Variants in WNT16 observed in about 807,000 individuals in gnomAD.
The protein encoded by WNT16 is Wnt family member 16.
A neutral mutation model predicts 35.4 loss-of-function variants in WNT16; 20 were observed. The ratio of observed to expected loss-of-function variants is 0.56; its 90% CI spans 0.40 to 0.82. The LOEUF is 0.82. Among genes scored for constraint, WNT16 ranks in the 40% least tolerant of loss-of-function variants. The pLI, the probability that WNT16 is intolerant of heterozygous loss-of-function variation, is 0.00. For missense variants in WNT16, 461 were observed against 466.0 expected, an observed-to-expected ratio of 0.99 and a Z score of 0.10; for synonymous variants, 180 against 179.2, an observed-to-expected ratio of 1.00 and a Z score of -0.03.
upstream of WNT16, chr7:121,325,424 C>A: frequency 6.2e-7 from 1 of 1,609,852 alleles, no homozygotes; most frequent in East Asian, 2.2e-5. Flanking sequence ...CCATGCAGCT[C>A]ACCACTTGCC....
upstream of WNT16, among the ~76,000 whole-genome samples, chr7:121,325,937 A>T (rs936366063): frequency 2.7e-5 from 4 of 146,016 alleles, no homozygotes; most frequent in African/African-American, 1.0e-4. Flanking sequence ...GCTACTCAGG[A>T]GGCTGAGGGT....
At chr7:121,325,422 C>T (rs775035330), upstream of WNT16, 1 of 1,603,888 alleles carries the variant, frequency 6.2e-7, no homozygotes, top group Admixed American at 1.7e-5. Context: ...ACCCATGCAG[C>T]TCACCACTTG....
rs967285001 is a variant in WNT16 at position 121,331,786 on chromosome 7, C to A, written c.455C>A (p.Thr152Asn). The A allele has an allele frequency of 6.2e-7, 1 of 1,614,222 alleles. No individual in the cohort carries two copies. The highest frequency in any genetic ancestry group is 8.5e-7 in the Non-Finnish European group (1 of 1,180,038). Residue 152 changes from threonine (T) to asparagine (N), a missense_variant, in exon 3 of 4, where the codon ACC becomes AAC. Thr to Asn is a moderately conservative substitution (Grantham distance 65). Coordinates refer to ENST00000222462, the MANE Select transcript of WNT16 (RefSeq NM_057168.2). The stretch of plus-strand genomic sequence containing the variant: ...ATGACAGAGTGTTCCTGTGACACCA[C>A]CTTGCAGAACGGCGGCTCAGCAAGT... ...GNMTECSCDT[T>N]LQNGGSASEG...
chr7:121,330,646 GCCGCGCACCTCCC>G (rs1340951829), intron 2 of WNT16, among the ~76,000 whole-genome samples: 1 of 143,888 alleles, frequency 6.9e-6, no homozygotes, highest in African/African-American at 2.6e-5. Flanking sequence ...CCCCCGCCGA[GCCGCGCACCTCCC>G]CCGCGGCGTT....
chr7:121,332,689 T>A lies in WNT16; in HGVS notation c.633+725T>A, dbSNP rs184791548. 2.0e-5 allele frequency among the ~76,000 whole-genome samples: 3 copies of A among 152,284 alleles called. 1 individual carries two copies. Among genetic ancestry groups the A allele is most frequent in the African/African-American group, 7.2e-5 (3 of 41,570 alleles). ...TATTTTTTGTAAAGGAAAGTTTTTT[T>A]AGGGAAATAGTTATTTTATTATAAA... is the stretch of plus-strand genomic sequence containing the variant. On this transcript the variant is annotated intron_variant, in intron 3 of 3. Coordinates refer to ENST00000222462, the MANE Select transcript of WNT16 (RefSeq NM_057168.2).
At chr7:121,330,665 G>C (rs1199721341) in intron 2 of WNT16, among the ~76,000 whole-genome samples, 1 of 148,640 alleles carries the variant, frequency 6.7e-6, no homozygotes, top group Non-Finnish European at 1.5e-5. Flanking sequence ...CTCCCCCGCG[G>C]CGTTCTGGCC....
chr7:121,325,419 C>G, upstream of WNT16: 1 of 1,613,740 alleles, frequency 6.2e-7, no homozygotes, highest in Admixed American at 1.7e-5. Flanking sequence ...GGCACCCATG[C>G]AGCTCACCAC....
At chr7:121,336,247 C>T (rs1043127934) in intron 3 of WNT16, among the ~76,000 whole-genome samples, 2 of 151,350 alleles carry the variant, frequency 1.3e-5, no homozygotes, top group Non-Finnish European at 3.0e-5. Flanking sequence ...TATATATGCC[C>T]ATAGATATTC....
chr7:121,329,449 G>C, intron 1 of WNT16, 62 bp downstream of exon 1: 1 of 1,591,508 alleles, frequency 6.3e-7, no homozygotes, highest in Non-Finnish European at 8.6e-7. Context: ...CAATCCTAGG[G>C]AACTTTCAAC....
Position 121,329,172 on chromosome 7 carries a change from T to G in WNT16, c.-121T>G. 10 of 1,430,962 alleles carry G rather than the reference T, an allele frequency of 7.0e-6. No homozygotes were observed. Among genetic ancestry groups the G allele is most frequent in the Non-Finnish European group, 9.1e-6 (10 of 1,096,228 alleles). 88.6% of individuals were successfully genotyped at this position (1,430,962 alleles called of 1,614,324 possible). On this transcript the variant is annotated 5_prime_UTR_variant, in exon 1 of 4. The change abolishes an upstream ATG in the 5' untranslated region. Transcript: ENST00000222462. ...TCACTGCTGGCCTTTTAATGTTGTA[T>G]GCAAGGAGGAAGAGGGCGAGGGATA...
In WNT16 at chr7:121,331,802, C is replaced by T; in HGVS notation, c.471C>T (p.Gly157=). The T allele has an allele frequency of 6.2e-7, 1 of 1,614,154 alleles. No homozygotes were observed. Among genetic ancestry groups the T allele is most frequent in the South Asian group, 1.1e-5 (1 of 91,082 alleles). ...GTGACACCACCTTGCAGAACGGCGG[C>T]TCAGCAAGTGAAGGCTGGCACTGGG... is the stretch of plus-strand genomic sequence containing the variant. ...CSCDTTLQNG[G]SASEGWHWGG... Residue 157 remains glycine, a synonymous_variant, in exon 3 of 4, where the codon GGC becomes GGT. Transcript: ENST00000222462.
intron 3 of WNT16, among the ~76,000 whole-genome samples, chr7:121,335,460 C>T (rs1348827657): frequency 6.6e-6 from 1 of 152,054 alleles, no homozygotes; most frequent in African/African-American, 2.4e-5. Flanking sequence ...AAAATGTGCA[C>T]ATCTGTTTGC....
chr7:121,329,299 A>G lies in WNT16; in HGVS notation c.7A>G (p.Arg3Gly), dbSNP rs1399516088. ...GGGACTCCATGCGGGGGCGATGGAC[A>G]GGGCGGCGCTCCTGGGACTGGCCCG... MDRAALLGLARLC... is the reference protein window; with the variant it reads MDGAALLGLARLC... The change falls in exon 1 of 4, where the codon AGG becomes GGG. Residue 3 changes from arginine to glycine, a missense_variant. Physicochemically the swap from Arg to Gly is moderately radical, Grantham distance 125. Transcript: ENST00000222462. 1.9e-6 allele frequency: 3 copies of G among 1,573,084 alleles called. No homozygotes were observed. The highest frequency in any genetic ancestry group is 2.6e-6 in the Non-Finnish European group (3 of 1,159,680).
Position 121,339,966 on chromosome 7 carries a change from C to T in WNT16, c.*621C>T, listed in dbSNP as rs1793508014. On this transcript the variant is annotated 3_prime_UTR_variant, in exon 4 of 4. Transcript: ENST00000222462. ...GATATAATATCCCTAAAAAAATGAT[C>T]ATTACAGATGTTTAGTGACAAAGAA... 6.6e-6 allele frequency: 1 copy of T among 152,552 alleles called. No individual in the cohort carries two copies. Among genetic ancestry groups the T allele is most frequent in the African/African-American group, 2.4e-5 (1 of 41,428 alleles). The allele number at this position is 152,552 out of a possible 1,614,324, so 9.4% of individuals were successfully genotyped here. A position where few individuals can be genotyped will look rare whatever the true frequency, so the allele number is the denominator to read the frequency against.
chr7:121,330,560 G>T (rs1793326259), intron 2 of WNT16, among the ~76,000 whole-genome samples: 1 of 152,046 alleles, frequency 6.6e-6, no homozygotes, highest in Non-Finnish European at 1.5e-5. Flanking sequence ...GGCGCTGAAG[G>T]ATGCGCTGTC....
chr7:121,330,863 A>G (rs1490950866), intron 2 of WNT16, among the ~76,000 whole-genome samples: 1 of 152,196 alleles, frequency 6.6e-6, no homozygotes, highest in East Asian at 1.9e-4. Flanking sequence ...GAAAGAAAAA[A>G]AAAAAGTCGC....
chr7:121,333,926 C>T (rs1465771850), intron 3 of WNT16, among the ~76,000 whole-genome samples: 1 of 151,902 alleles, frequency 6.6e-6, no homozygotes, highest in Non-Finnish European at 1.5e-5. Flanking sequence ...TTATTAGTAA[C>T]ATTCGGCAGC....
chr7:121,325,444 C>T, upstream of WNT16: 1 of 1,613,714 alleles, frequency 6.2e-7, no homozygotes, highest in Non-Finnish European at 8.5e-7. Context: ...CTCAGGGAGA[C>T]CCTCTTCACA....
At chr7:121,327,080 A>C (rs1377881193), upstream of WNT16, among the ~76,000 whole-genome samples, 1 of 152,232 alleles carries the variant, frequency 6.6e-6, no homozygotes, top group Non-Finnish European at 1.5e-5. Flanking sequence ...CTCTTGGAGA[A>C]GCTCACAGAA....
Sources: gnomAD v4.1 joint callset for allele counts (sites outside exome capture counted in the v4.1 genomes callset) on GRCh38, gnomAD v4.1.1 for gene constraint, MANE v1.5 for transcripts, NCBI Gene and HGNC (gene_info 2026-07-23, HGNC 2026-07-21) for gene names.